Variants in FBXO42 observed in about 807,000 individuals in gnomAD.
The protein encoded by FBXO42 is F-box protein 42.
A neutral mutation model predicts 71.7 loss-of-function variants in FBXO42; 12 were observed. The observed-to-expected ratio is 0.17, with a 90% confidence interval of 0.11 to 0.27. FBXO42 has a LOEUF of 0.27. FBXO42 is among the 10% of genes least tolerant of loss of function. The pLI, the probability that FBXO42 is intolerant of heterozygous loss-of-function variation, is 1.00. For synonymous variants in FBXO42, 325 were observed against 327.5 expected (o/e 0.99, Z 0.08); for missense variants, 707 against 911.9 (o/e 0.78, Z 2.89).
chr1:16,299,154 G>A (rs2082163086), intron 3 of FBXO42, among the ~76,000 whole-genome samples: 1 of 151,996 alleles, frequency 6.6e-6, no homozygotes, highest in Non-Finnish European at 1.5e-5. Flanking sequence ...TGGGATTACA[G>A]GCATGTGCCA....
intron 2 of FBXO42, among the ~76,000 whole-genome samples, chr1:16,309,887 G>A (rs2082293861): frequency 6.6e-6 from 1 of 151,702 alleles, no homozygotes; most frequent in African/African-American, 2.4e-5. Flanking sequence ...ACTAAAAAAG[G>A]TTTTGTTCTT....
At chr1:16,350,870 G>A (rs189110829) in intron 1 of FBXO42, among the ~76,000 whole-genome samples, 1 of 151,840 alleles carries the variant, frequency 6.6e-6, no homozygotes, top group Non-Finnish European at 1.5e-5. Flanking sequence ...CATGCCTATG[G>A]ATCAATGTAG....
At chr1:16,337,497 C>G (rs2082561938) in intron 1 of FBXO42, among the ~76,000 whole-genome samples, 1 of 152,054 alleles carries the variant, frequency 6.6e-6, no homozygotes, top group South Asian at 2.1e-4. Context: ...TTACACAGAA[C>G]CAGATTTGAA....
intron 1 of FBXO42, among the ~76,000 whole-genome samples, chr1:16,340,101 G>A (rs967079479): frequency 1.3e-5 from 2 of 151,944 alleles, no homozygotes; most frequent in Admixed American, 6.6e-5. Flanking sequence ...GCGTGAACCC[G>A]GGATGCGGAG....
At chr1:16,332,462 T>G (rs2082509409) in intron 1 of FBXO42, among the ~76,000 whole-genome samples, 1 of 152,206 alleles carries the variant, frequency 6.6e-6, no homozygotes, top group Admixed American at 6.6e-5. Flanking sequence ...GCAAATAAAG[T>G]TATCCTCCTG....
At chr1:16,274,755 C>T (rs1028774391) in intron 4 of FBXO42, among the ~76,000 whole-genome samples, 16 of 135,446 alleles carry the variant, frequency 1.2e-4, no homozygotes, top group Non-Finnish European at 2.8e-4. Flanking sequence ...CCATGCCCAG[C>T]TAATTTTTTG....
At chr1:16,335,484 T>G (rs2082544297) in intron 1 of FBXO42, among the ~76,000 whole-genome samples, 1 of 152,148 alleles carries the variant, frequency 6.6e-6, no homozygotes, top group African/African-American at 2.4e-5. Context: ...GAGAATTAGC[T>G]GGTTTCCCAC....
intron 1 of FBXO42, among the ~76,000 whole-genome samples, chr1:16,319,718 C>T (rs1212870593): frequency 1.3e-5 from 2 of 151,968 alleles, no homozygotes; most frequent in Admixed American, 6.6e-5. Context: ...CGAGACCAGC[C>T]TGGCCAATAT....
At chr1:16,312,357 G>A (rs1193012657) in intron 2 of FBXO42, among the ~76,000 whole-genome samples, 1 of 152,068 alleles carries the variant, frequency 6.6e-6, no homozygotes, top group Non-Finnish European at 1.5e-5. Flanking sequence ...GCATGACTCT[G>A]TCTCAAAAAA....
At chr1:16,279,572 G>T (rs2081938827) in intron 4 of FBXO42, among the ~76,000 whole-genome samples, 1 of 152,168 alleles carries the variant, frequency 6.6e-6, no homozygotes, top group Admixed American at 6.5e-5. Flanking sequence ...TTCTTCAAAT[G>T]ATATACCCTC....
Position 16,298,205 on chromosome 1 carries a change from G to A in FBXO42, c.368-3288C>T, listed in dbSNP as rs147844925. Among the ~76,000 whole-genome samples the A allele has an allele frequency of 6.2e-3, 947 of 152,286 alleles. 7 individuals are homozygous for A. Among genetic ancestry groups the A allele is most frequent in the African/African-American group, 0.022 (907 of 41,574 alleles). ...TGCGCCACTGCACCCCAGCCTGGGCGATAGAGCAAGACTCTGTCTCAAAAA... is the reference window on the plus strand; with the variant it reads ...TGCGCCACTGCACCCCAGCCTGGGCAATAGAGCAAGACTCTGTCTCAAAAA... On this transcript the variant is annotated intron_variant, in intron 3 of 9. Transcript: ENST00000375592.
intron 1 of FBXO42, among the ~76,000 whole-genome samples, chr1:16,347,756 G>A (rs1243748336): frequency 6.6e-6 from 1 of 152,062 alleles, no homozygotes; most frequent in Non-Finnish European, 1.5e-5. Flanking sequence ...TTGGGAGGCC[G>A]AGGCGGGCAG....
At chr1:16,334,435 A>C (rs868536320) in intron 1 of FBXO42, among the ~76,000 whole-genome samples, 6 of 151,808 alleles carry the variant, frequency 4.0e-5, no homozygotes, top group Non-Finnish European at 8.8e-5. Context: ...AAAAAAAAAA[A>C]AAAAACAGAC....
intron 1 of FBXO42, among the ~76,000 whole-genome samples, chr1:16,328,048 G>C (rs1167549501): frequency 6.6e-6 from 1 of 152,098 alleles, no homozygotes; most frequent in East Asian, 1.9e-4. Flanking sequence ...AAGTCACGCA[G>C]CTTATACTGA....
chr1:16,345,993 A>C (rs541012052), intron 1 of FBXO42, among the ~76,000 whole-genome samples: 28 of 152,220 alleles, frequency 1.8e-4, no homozygotes, highest in Non-Finnish European at 3.7e-4. Context: ...ACATATCAGA[A>C]GGACACACTA....
chr1:16,304,767 G>A (rs974404976), intron 3 of FBXO42, among the ~76,000 whole-genome samples: 4 of 151,594 alleles, frequency 2.6e-5, no homozygotes, highest in African/African-American at 4.8e-5. Flanking sequence ...TCAGGAGTTC[G>A]AGACCAGCCT....
intron 3 of FBXO42, among the ~76,000 whole-genome samples, chr1:16,303,944 G>C (rs2082223843): frequency 6.6e-6 from 1 of 151,662 alleles, no homozygotes; most frequent in Non-Finnish European, 1.5e-5. Context: ...TAAGAGACGG[G>C]GTTTCACCGT....
chr1:16,299,755 C>T (rs1294957321), intron 3 of FBXO42, among the ~76,000 whole-genome samples: 2 of 152,154 alleles, frequency 1.3e-5, no homozygotes, highest in Non-Finnish European at 1.5e-5. Context: ...AGCGATTTTC[C>T]TGCCTCAGCC....
rs60358251 is a variant in FBXO42, at chr1:16,350,573, CAAA to C, written c.-18+1679_-18+1681del. Among the ~76,000 whole-genome samples the C allele has an allele frequency of 1.1e-3, 73 of 66,788 alleles. 2 individuals carry two copies. Among genetic ancestry groups the C allele is most frequent in the Middle Eastern group, 0.018 (2 of 112 alleles). 43.8% of individuals were successfully genotyped at this position (66,788 alleles called of 152,430 possible). A position where few individuals can be genotyped will look rare whatever the true frequency, so the allele number is the denominator to read the frequency against. ...TGAAACCCCGTCTCTACTAAAATTA[CAAA>C]AAAAAAAAAAAAAAAAAAAAAATTA... On this transcript the variant is annotated intron_variant, in intron 1 of 9. Coordinates refer to ENST00000375592, the MANE Select transcript of FBXO42 (RefSeq NM_018994.3).
Sources: allele counts gnomAD v4.1 joint callset (sites outside exome capture counted in the v4.1 genomes callset), GRCh38; gene constraint gnomAD v4.1.1; transcripts MANE v1.5; gene names NCBI Gene and HGNC (gene_info 2026-07-23, HGNC 2026-07-21).